Variants in GIGYF1 observed in about 807,000 individuals in gnomAD.
GIGYF1 encodes GRB10-interacting GYF protein 1.
Under a neutral mutation model 147.1 loss-of-function variants are expected in GIGYF1, and 84 were observed. The observed-to-expected ratio is 0.57, with a 90% confidence interval of 0.48 to 0.68. The LOEUF (loss-of-function observed/expected upper bound fraction) is 0.68. Among genes scored for constraint, GIGYF1 ranks in the 30% least tolerant of loss-of-function variants. The pLI, the probability that GIGYF1 is intolerant of heterozygous loss-of-function variation, is 0.00. For missense variants in GIGYF1, 1,485 were observed against 1,393.7 expected (o/e 1.07, Z -1.04); for synonymous variants, 752 against 589.5 (o/e 1.28, Z -3.99).
chr7:100,685,441 C>G lies in GIGYF1; in HGVS notation c.1095G>C (p.Lys365Asn). ...TGGGCAGTGGGGATGGGGAGCTGGA[C>G]TTCTCCTCCTGAGGAGGCAGTGGGG... ...ELTPLPPQEE[K>N]SSSPSPLPTL... The change falls in exon 13 of 27, where the codon AAG becomes AAC. Residue 365 changes from lysine to asparagine, a missense_variant. Coordinates refer to ENST00000678049, the MANE Select transcript of GIGYF1 (RefSeq NM_001375765.1). 6.3e-7 allele frequency: 1 copy of G among 1,594,458 alleles called. No individual in the cohort carries two copies. The highest frequency in any genetic ancestry group is 8.5e-7 in the Non-Finnish European group (1 of 1,175,336).
intron 5 of GIGYF1, 30 bp downstream of exon 5, chr7:100,687,951 A>G (rs1351249449): frequency 6.2e-7 from 1 of 1,609,212 alleles, no homozygotes; most frequent in Admixed American, 1.7e-5. Flanking sequence ...AGAGGCCACC[A>G]CCGCCAACCC....
chr7:100,686,460 A>C, intron 10 of GIGYF1, 27 bp from the exon 11 acceptor site: 2 of 1,560,196 alleles, frequency 1.3e-6, no homozygotes, highest in Non-Finnish European at 1.7e-6. Context: ...AGGGAGAAGA[A>C]GAGTGGGTAC....
chr7:100,688,716 A>C lies in GIGYF1; in HGVS notation c.-259T>G. On this transcript the variant is annotated 5_prime_UTR_variant, in exon 2 of 27. Coordinates refer to ENST00000678049, the MANE Select transcript of GIGYF1 (RefSeq NM_001375765.1). Reference sequence around the variant, plus strand: ...GGAGGGACCTTCACATCTGGGAAAGACCCTTAAGGAGAGCAGGGGGGAGGA... The same window carrying C: ...GGAGGGACCTTCACATCTGGGAAAGCCCCTTAAGGAGAGCAGGGGGGAGGA... 2 of 339,308 alleles carry C rather than the reference A, an allele frequency of 5.9e-6. No individual in the cohort carries two copies. Among genetic ancestry groups the C allele is most frequent in the Admixed American group, 3.8e-5 (1 of 26,378 alleles). The allele number at this position is 339,308 out of a possible 1,614,324, so 21.0% of individuals were successfully genotyped here. A position where few individuals can be genotyped will look rare whatever the true frequency, so the allele number is the denominator to read the frequency against.
chr7:100,682,858 G>C lies in GIGYF1; in HGVS notation c.2413-81C>G. 2.1e-6 allele frequency: 3 copies of C among 1,407,136 alleles called. No individual in the cohort carries two copies. The South Asian group carries it at 4.2e-5, about 20-fold the overall frequency. 87.2% of individuals were successfully genotyped at this position (1,407,136 alleles called of 1,614,324 possible). A position where few individuals can be genotyped will look rare whatever the true frequency, so the allele number is the denominator to read the frequency against. On this transcript the variant is annotated intron_variant, in intron 22 of 26. Coordinates refer to ENST00000678049, the MANE Select transcript of GIGYF1 (RefSeq NM_001375765.1). ...TGGGGAGGCTTGTTTAGGTGGCAAA[G>C]GGAGACAGGTGAGGTGAGGGCCACA...
At position 100,687,964 on chromosome 7, in the gene GIGYF1, C is replaced by A; in HGVS notation, c.165+17G>T. ...GCAGAGGCCACCACCGCCAACCCCC[C>A]TCGCCCACGCACCCACCTTGTTCTC... On this transcript the variant is annotated intron_variant, in intron 5 of 26. Transcript: ENST00000678049. 5.6e-6 allele frequency: 9 copies of A among 1,609,640 alleles called. No homozygotes were observed. The highest frequency in any genetic ancestry group is 7.6e-6 in the Non-Finnish European group (9 of 1,176,590).
At chr7:100,689,877 G>T (rs758367596) in intron 1 of GIGYF1, among the ~76,000 whole-genome samples, 28 of 152,270 alleles carry the variant, frequency 1.8e-4, no homozygotes, top group Middle Eastern at 6.8e-3. Flanking sequence ...AAACACACCA[G>T]CCAAAAAAGG....
intron 5 of GIGYF1, 27 bp from the exon 6 acceptor site, chr7:100,687,910 C>T: frequency 6.2e-7 from 1 of 1,613,388 alleles, no homozygotes; most frequent in Non-Finnish European, 8.5e-7. Context: ...ACAGCCAAGA[C>T]ACCACATGCT....
At chr7:100,682,512 A>T in intron 23 of GIGYF1, 30 bp from the exon 24 acceptor site, 1 of 1,606,586 alleles carries the variant, frequency 6.2e-7, no homozygotes, top group Non-Finnish European at 8.5e-7. Flanking sequence ...CAGGGTTGGA[A>T]ATCAGCTGGC....
chr7:100,690,847 G>A (rs1055964259), intron 1 of GIGYF1, among the ~76,000 whole-genome samples: 63 of 151,600 alleles, frequency 4.2e-4, no homozygotes, highest in Non-Finnish European at 7.7e-4. Context: ...GCGCAGCAAG[G>A]GCAGCTCTCC....
At position 100,683,381 on chromosome 7, in the gene GIGYF1, C is replaced by T. The variant is rs766223390; in HGVS notation, c.2116G>A (p.Glu706Lys). 6.2e-7 allele frequency: 1 copy of T among 1,613,630 alleles called. No individual in the cohort carries two copies. Among genetic ancestry groups the T allele is most frequent in the Non-Finnish European group, 8.5e-7 (1 of 1,180,030 alleles). Residue 706 changes from glutamate (E) to lysine (K), a missense_variant, in exon 21 of 27, where the codon GAG (glutamate) becomes AAG (lysine). Physicochemically the swap from Glu to Lys is moderately conservative, Grantham distance 56. Coordinates refer to ENST00000678049, the MANE Select transcript of GIGYF1 (RefSeq NM_001375765.1). ...TGCTGCTGCTGGCGGCGCTTCTCCT[C>T]TCGACGCTTGCGTTCCTCTTCCTCC... The part of the protein sequence containing the change: ...KREEEERKRR[E>K]EKRRQQQQEE...
At position 100,683,101 on chromosome 7, in the gene GIGYF1, G is replaced by A; in HGVS notation, c.2323C>T (p.Leu775=). The change falls in exon 22 of 27, where the codon CTG becomes TTG. Residue 775 remains leucine (L), a synonymous_variant. Transcript: ENST00000678049. ...CGCTCGCCCTCCAGCTGCAACTCCAGGAGCGTCTTCATGGACAGCCCCTGC... is the reference window on the plus strand; with the variant it reads ...CGCTCGCCCTCCAGCTGCAACTCCAAGAGCGTCTTCATGGACAGCCCCTGC... The part of the protein sequence containing the change: ...AKQGLSMKTL[L]ELQLEGERQL... 1.3e-6 allele frequency: 2 copies of A among 1,591,690 alleles called. No homozygotes were observed. Among genetic ancestry groups the A allele is most frequent in the African/African-American group, 1.3e-5 (1 of 74,844 alleles).
Position 100,684,532 on chromosome 7 carries a change from T to C in GIGYF1, c.1547A>G (p.Glu516Gly). 6.2e-7 allele frequency: 1 copy of C among 1,613,966 alleles called. No homozygotes were observed. The highest frequency in any genetic ancestry group is 8.5e-7 in the Non-Finnish European group (1 of 1,180,006). Residue 516 changes from glutamate (E) to glycine (G), a missense_variant, in exon 16 of 27, where the codon GAG (glutamate) becomes GGG (glycine). Transcript: ENST00000678049. ...MSLLVKRGCD[E>G]GFQPLGEVIK... is the part of the protein sequence containing the mutation. ...CACCTCGCCCAGCGGCTGGAAGCCC[T>C]CATCGCAGCCCCGCTTCACCAGCAG...
chr7:100,690,318 G>A (rs531374783), intron 1 of GIGYF1, among the ~76,000 whole-genome samples: 12 of 152,230 alleles, frequency 7.9e-5, no homozygotes, highest in African/African-American at 2.6e-4. Context: ...GCTCATCCTG[G>A]AGGCATGAGG....
chr7:100,687,851 G>T lies in GIGYF1; in HGVS notation c.198C>A (p.Ala66=), dbSNP rs145328716. The change falls in exon 6 of 27, where the codon GCC becomes GCA. Residue 66 remains alanine, a synonymous_variant. Transcript: ENST00000678049. ...VPEELQDKEF[A]AVLQDEPLQP... is the part of the protein sequence containing the mutation. ...GCAGTGGCTCGTCCTGCAGCACCGC[G>T]GCGAACTCCTTGTCCTGCAGCTCTT... 1 of 1,612,880 alleles carries T rather than the reference G, an allele frequency of 6.2e-7. No homozygotes were observed. The highest frequency in any genetic ancestry group is 1.3e-5 in the African/African-American group (1 of 74,912).
intron 12 of GIGYF1, 45 bp downstream of exon 12, chr7:100,685,929 C>T: frequency 6.5e-7 from 1 of 1,530,638 alleles, no homozygotes; most frequent in Non-Finnish European, 9.0e-7. Flanking sequence ...AACACCAGTG[C>T]CTGCCCGGCC....
At chr7:100,693,988 C>T (rs1407123493) in intron 1 of GIGYF1, 122 bp downstream of exon 1, 2 of 149,412 alleles carry the variant, frequency 1.3e-5, no homozygotes, top group Non-Finnish European at 3.0e-5. Context: ...CGCTGGCGGC[C>T]CGCGCGCTGG....
At chr7:100,687,440 C>T in intron 7 of GIGYF1, 34 bp from the exon 8 acceptor site, 1 of 1,608,816 alleles carries the variant, frequency 6.2e-7, no homozygotes, top group South Asian at 1.1e-5. Context: ...ATGAAACCTG[C>T]TGCACGTTCT....
intron 1 of GIGYF1, among the ~76,000 whole-genome samples, chr7:100,690,602 C>A (rs1562887536): frequency 6.6e-6 from 1 of 152,028 alleles, no homozygotes. Flanking sequence ...GCCAACGTGG[C>A]AAAACCCTGT....
rs778191452 is a variant in GIGYF1 at position 100,682,372 on chromosome 7, T to C, written c.2711A>G (p.Gln904Arg). 3 of 1,613,602 alleles carry C rather than the reference T, an allele frequency of 1.9e-6. No individual in the cohort carries two copies. Among genetic ancestry groups the C allele is most frequent in the South Asian group, 1.1e-5 (1 of 91,086 alleles). The change falls in exon 24 of 27, where the codon CAG (glutamine) becomes CGG (arginine). Residue 904 changes from glutamine to arginine, a missense_variant. Physicochemically the swap from Gln to Arg is conservative, Grantham distance 43 (BLOSUM62 1). Coordinates refer to ENST00000678049, the MANE Select transcript of GIGYF1 (RefSeq NM_001375765.1). Reference protein sequence around the residue: ...GIPRPQDGFTQWCEQMLHTLS... With the variant: ...GIPRPQDGFTRWCEQMLHTLS... The stretch of plus-strand genomic sequence containing the variant: ...CGTGTGCAGCATCTGCTCGCACCAC[T>C]GGGTGAAGCCGTCCTGGGGCCTGGG...
Sources: gnomAD v4.1 joint callset for allele counts (sites outside exome capture counted in the v4.1 genomes callset) on GRCh38, gnomAD v4.1.1 for gene constraint, MANE v1.5 for transcripts, NCBI Gene and HGNC (gene_info 2026-07-23, HGNC 2026-07-21) for gene names.